ANK3: variants seen among roughly 807,000 people sequenced by gnomAD.
ANK3 encodes ankyrin-3.
Under a neutral mutation model 370.9 loss-of-function variants are expected in ANK3, and 57 were observed. The ratio of observed to expected loss-of-function variants is 0.15; its 90% CI spans 0.12 to 0.19. ANK3 has a LOEUF of 0.19. Ranked by LOEUF, ANK3 falls within the 10% of genes least tolerant of loss-of-function variation. The probability of loss-of-function intolerance (pLI) is 1.00; values close to 1 mark genes in which losing one functional copy is unlikely to be tolerated. For synonymous variants in ANK3, 1,929 were observed against 1,946.3 expected (o/e 0.99, Z 0.23); for missense variants, 4,439 against 5,302.1 (o/e 0.84, Z 5.06).
chr10:60,544,946 A>G (rs1278031530), intron 2 of ANK3, among the ~76,000 whole-genome samples: 2 of 43,754 alleles, frequency 4.6e-5, no homozygotes, highest in African/African-American at 1.3e-4. Flanking sequence ...GGCGTGGACA[A>G]TATTTTCAGA....
intron 1 of ANK3, among the ~76,000 whole-genome samples, chr10:60,621,739 T>C (rs1208181310): frequency 6.6e-6 from 1 of 152,182 alleles, no homozygotes; most frequent in East Asian, 1.9e-4. Context: ...TTCAAGATGA[T>C]ATTCGAGCAA....
intron 8 of ANK3, among the ~76,000 whole-genome samples, chr10:60,229,919 T>TA (rs2097214900): frequency 6.6e-6 from 1 of 152,146 alleles, no homozygotes; most frequent in East Asian, 1.9e-4. Flanking sequence ...AATACTGTGG[T>TA]AATGGGTTTC....
intron 26 of ANK3, among the ~76,000 whole-genome samples, chr10:60,110,573 C>A (rs567948662): frequency 6.6e-6 from 1 of 152,262 alleles, no homozygotes; most frequent in East Asian, 1.9e-4. Flanking sequence ...GATACTTGTT[C>A]ACTTGTACAA....
intron 2 of ANK3, among the ~76,000 whole-genome samples, chr10:60,431,410 A>G (rs2064019205): frequency 6.6e-6 from 1 of 152,178 alleles, no homozygotes; most frequent in Non-Finnish European, 1.5e-5. Context: ...TTAGCCATGG[A>G]GAGCGGCTGT....
At chr10:60,375,326 C>G (rs2060631721) in intron 1 of ANK3, among the ~76,000 whole-genome samples, 1 of 152,136 alleles carries the variant, frequency 6.6e-6, no homozygotes, top group African/African-American at 2.4e-5. Context: ...CATGGTTTGC[C>G]TACTTCTAAT....
intron 8 of ANK3, among the ~76,000 whole-genome samples, chr10:60,230,584 T>C (rs2097224289): frequency 1.3e-5 from 2 of 152,024 alleles, no homozygotes; most frequent in South Asian, 2.1e-4. Context: ...TGAAATGAGG[T>C]AAATAGAAAC....
intron 2 of ANK3, among the ~76,000 whole-genome samples, chr10:60,500,564 G>A (rs1417804324): frequency 1.3e-5 from 2 of 152,126 alleles, no homozygotes; most frequent in African/African-American, 4.8e-5. Flanking sequence ...TAAAATAACA[G>A]TTGAAAATAC....
rs771896357 is a variant in ANK3 at position 60,073,491 on chromosome 10, C to A, written c.7390G>T (p.Ala2464Ser). Residue 2464 changes from alanine to serine, a missense_variant, in exon 37 of 44, where the codon GCT (alanine) becomes TCT (serine). Transcript: ENST00000280772. ...TTTTCTGACAGAAGCATTTTCTCAG[C>A]AAACCTGTAAGACTCCCCTCTTAGT... is the stretch of plus-strand genomic sequence containing the variant. Reference protein sequence around the residue: ...SELRGESYRFAEKMLLSEKLD... With the variant: ...SELRGESYRFSEKMLLSEKLD... 5 of 1,614,040 alleles carry A rather than the reference C, an allele frequency of 3.1e-6. No individual in the cohort carries two copies. Among genetic ancestry groups the A allele is most frequent in the Non-Finnish European group, 4.2e-6 (5 of 1,179,994 alleles).
At chr10:60,171,875 A>AT (rs1438414374) in intron 21 of ANK3, among the ~76,000 whole-genome samples, 4 of 152,164 alleles carry the variant, frequency 2.6e-5, no homozygotes, top group Non-Finnish European at 5.9e-5. Context: ...CAATGTAAAC[A>AT]TTTTTTTACA....
At chr10:60,629,223 A>T (rs1276868425) in intron 1 of ANK3, among the ~76,000 whole-genome samples, 1 of 152,168 alleles carries the variant, frequency 6.6e-6, no homozygotes, top group Non-Finnish European at 1.5e-5. Context: ...GAGCTTTATT[A>T]CATGGAAGTT....
chr10:60,435,696 A>G (rs531159830), intron 2 of ANK3, among the ~76,000 whole-genome samples: 130 of 152,342 alleles, frequency 8.5e-4, no homozygotes, highest in African/African-American at 3.0e-3. Context: ...CTGGTCAACC[A>G]CTAATCTACT....
At chr10:60,345,712 G>T (rs948451232) in intron 1 of ANK3, among the ~76,000 whole-genome samples, 1 of 152,062 alleles carries the variant, frequency 6.6e-6, no homozygotes, top group African/African-American at 2.4e-5. Context: ...AGGTCCTCAT[G>T]GATCTTACAT....
chr10:60,579,325 A>G (rs1324123231), intron 2 of ANK3, among the ~76,000 whole-genome samples: 1 of 117,498 alleles, frequency 8.5e-6, no homozygotes, highest in Non-Finnish European at 1.8e-5. Flanking sequence ...CTCTCTCTCA[A>G]TAAAAAAAAA....
At chr10:60,397,867 C>A (rs1168541233) in intron 2 of ANK3, among the ~76,000 whole-genome samples, 4 of 152,114 alleles carry the variant, frequency 2.6e-5, no homozygotes, top group Non-Finnish European at 5.9e-5. Flanking sequence ...TCAAAAAATA[C>A]AACTCGAGAA....
chr10:60,492,706 CA>C (rs764367710), intron 2 of ANK3, among the ~76,000 whole-genome samples: 24,015 of 57,334 alleles, frequency 0.42, 2,023 homozygotes, highest in South Asian at 0.45. Context: ...GACTCTGTCT[CA>C]AAAAAAAAAA....
intron 7 of ANK3, among the ~76,000 whole-genome samples, chr10:60,249,718 C>A (rs745985825): frequency 7.9e-5 from 12 of 152,206 alleles, no homozygotes; most frequent in Non-Finnish European, 1.3e-4. Context: ...TCCTAAGGAG[C>A]TGGAGCTACT....
At chr10:60,255,259 C>T (rs1313123571) in intron 7 of ANK3, among the ~76,000 whole-genome samples, 1 of 152,130 alleles carries the variant, frequency 6.6e-6, no homozygotes, top group Non-Finnish European at 1.5e-5. Context: ...CATTCATTGC[C>T]TTCTAGGTGA....
chr10:60,287,226 T>A (rs911637362), intron 1 of ANK3, among the ~76,000 whole-genome samples: 2 of 152,174 alleles, frequency 1.3e-5, no homozygotes, highest in Non-Finnish European at 2.9e-5. Context: ...TCTACAGGCC[T>A]CTTACTTTTA....
At chr10:60,232,751 T>A (rs958710526) in intron 8 of ANK3, among the ~76,000 whole-genome samples, 1 of 152,188 alleles carries the variant, frequency 6.6e-6, no homozygotes. Flanking sequence ...GAATACAAAC[T>A]AGACCTTTTG....
Sources: allele counts gnomAD v4.1 joint callset (sites outside exome capture counted in the v4.1 genomes callset), GRCh38; gene constraint gnomAD v4.1.1; transcripts MANE v1.5; gene names NCBI Gene and HGNC (gene_info 2026-07-23, HGNC 2026-07-21).